CDH12: variants seen among roughly 807,000 people sequenced by gnomAD.
CDH12 encodes cadherin 12.
CDH12 carries 41 observed loss-of-function variants against 74.1 expected under a neutral mutation model. That is an observed-to-expected ratio of 0.55 (90% CI 0.43 to 0.72). The LOEUF is 0.72. Among genes scored for constraint, CDH12 ranks in the 30% least tolerant of loss-of-function variants. CDH12 has a pLI of 0.00. For missense variants in CDH12, 945 were observed against 977.2 expected, an observed-to-expected ratio of 0.97 and a Z score of 0.44; for synonymous variants, 399 against 355.0, an observed-to-expected ratio of 1.12 and a Z score of -1.39.
At chr5:22,507,145 A>G (rs1453861386) in intron 1 of CDH12, among the ~76,000 whole-genome samples, 1 of 152,138 alleles carries the variant, frequency 6.6e-6, no homozygotes. Context: ...TACCGTGTGC[A>G]TACAACCACA....
intron 1 of CDH12, among the ~76,000 whole-genome samples, chr5:22,703,197 G>A (rs960677314): frequency 6.6e-6 from 1 of 152,060 alleles, no homozygotes; most frequent in Non-Finnish European, 1.5e-5. Flanking sequence ...AAGTCAAGGG[G>A]ATCTTTGTGC....
chr5:22,732,302 G>A (rs942053326), intron 1 of CDH12, among the ~76,000 whole-genome samples: 5 of 151,618 alleles, frequency 3.3e-5, no homozygotes, highest in Non-Finnish European at 7.4e-5. Flanking sequence ...ACATGTTTAT[G>A]GTCCACTCTA....
At chr5:22,845,542 G>A (rs1001981581) in intron 1 of CDH12, among the ~76,000 whole-genome samples, 14 of 152,034 alleles carry the variant, frequency 9.2e-5, no homozygotes, top group Non-Finnish European at 1.8e-4. Context: ...TTTCCTCATG[G>A]GGCTTGCATC....
chr5:22,450,553 T>C (rs955235320), intron 2 of CDH12, among the ~76,000 whole-genome samples: 2 of 151,926 alleles, frequency 1.3e-5, no homozygotes, highest in African/African-American at 2.4e-5. Context: ...TGTATCAATG[T>C]TTCCCTCTTT....
chr5:22,468,518 A>T (rs2662506), intron 2 of CDH12, among the ~76,000 whole-genome samples: 65,047 of 151,866 alleles, frequency 0.43, 14,404 homozygotes, highest in Admixed American at 0.61. Flanking sequence ...CAATAGTTAC[A>T]ACTAATAAAT....
intron 2 of CDH12, among the ~76,000 whole-genome samples, chr5:22,493,572 G>A (rs200327102): frequency 5.5e-5 from 1 of 18,284 alleles, no homozygotes; most frequent in Non-Finnish European, 1.2e-4. Context: ...GGTTTTTTTT[G>A]AAAAATTTTT....
At chr5:22,133,610 A>T (rs183200822) in intron 4 of CDH12, among the ~76,000 whole-genome samples, 50 of 152,240 alleles carry the variant, frequency 3.3e-4, no homozygotes, top group African/African-American at 1.1e-3. Flanking sequence ...TAATTCAAAA[A>T]TCTGATTGTC....
chr5:22,052,208 AT>A (rs376942921), intron 5 of CDH12, among the ~76,000 whole-genome samples: 7 of 151,874 alleles, frequency 4.6e-5, no homozygotes, highest in African/African-American at 1.7e-4. Context: ...TTTTTCTTTG[AT>A]TTTTTTTCTC....
At chr5:22,735,538 C>T (rs1328488018) in intron 1 of CDH12, among the ~76,000 whole-genome samples, 1 of 151,832 alleles carries the variant, frequency 6.6e-6, no homozygotes, top group Non-Finnish European at 1.5e-5. Context: ...TATAAATCCA[C>T]CCCGAATGTC....
At chr5:21,927,589 C>CA (rs750361494) in intron 6 of CDH12, among the ~76,000 whole-genome samples, 1 of 150,440 alleles carries the variant, frequency 6.6e-6, no homozygotes, top group African/African-American at 2.4e-5. Context: ...AGACTCTGCT[C>CA]AAAAAAACAA....
chr5:22,085,752 A>T (rs1267128799), intron 4 of CDH12, among the ~76,000 whole-genome samples: 1 of 152,184 alleles, frequency 6.6e-6, no homozygotes, highest in Non-Finnish European at 1.5e-5. Flanking sequence ...TAAAATGTCA[A>T]CAATATGCTT....
intron 10 of CDH12, among the ~76,000 whole-genome samples, chr5:21,796,319 G>A (rs533021314): frequency 3.9e-5 from 6 of 152,044 alleles, no homozygotes; most frequent in South Asian, 2.1e-4. Context: ...ATCATCTAGC[G>A]CAAAGCCTGT....
At chr5:21,842,087 C>T (rs1308934635) in intron 8 of CDH12, 74 bp downstream of exon 8, 36 of 1,089,144 alleles carry the variant, frequency 3.3e-5, no homozygotes, top group Non-Finnish European at 4.8e-5. Flanking sequence ...GATTGTCATT[C>T]CCATAGCATT....
chr5:22,245,654 T>C (rs1752920377), intron 3 of CDH12, among the ~76,000 whole-genome samples: 1 of 151,704 alleles, frequency 6.6e-6, no homozygotes, highest in Non-Finnish European at 1.5e-5. Flanking sequence ...TATATATATA[T>C]GATATACATA....
intron 3 of CDH12, among the ~76,000 whole-genome samples, chr5:22,311,128 A>G (rs773388256): frequency 1.3e-5 from 2 of 152,190 alleles, no homozygotes; most frequent in Non-Finnish European, 2.9e-5. Flanking sequence ...TGTGGATCTA[A>G]AGGGAAGAGG....
chr5:21,998,408 T>C (rs1580089111), intron 5 of CDH12, among the ~76,000 whole-genome samples: 2 of 152,094 alleles, frequency 1.3e-5, no homozygotes, highest in East Asian at 1.9e-4. Context: ...CCACAGATCA[T>C]GTGTAGTTTT....
chr5:22,190,075 ATAAT>A (rs1750184272), intron 4 of CDH12, among the ~76,000 whole-genome samples: 1 of 152,110 alleles, frequency 6.6e-6, no homozygotes. Flanking sequence ...TAAGATTTGA[ATAAT>A]TAGATAACGG....
chr5:21,881,345 T>G (rs566437652), intron 6 of CDH12, among the ~76,000 whole-genome samples: 137 of 152,272 alleles, frequency 9.0e-4, no homozygotes, highest in Middle Eastern at 3.4e-3. Context: ...CTTAAACCCA[T>G]CCTATTTTCT....
At chr5:22,384,533 A>AAG (rs1741913629) in intron 3 of CDH12, among the ~76,000 whole-genome samples, 1 of 149,612 alleles carries the variant, frequency 6.7e-6, no homozygotes, top group South Asian at 2.1e-4. Flanking sequence ...CTCAAAAAAA[A>AAG]AAAAAAAGAA....
Sources: allele counts gnomAD v4.1 joint callset (sites outside exome capture counted in the v4.1 genomes callset), GRCh38; gene constraint gnomAD v4.1.1; transcripts MANE v1.5; gene names NCBI Gene and HGNC (gene_info 2026-07-23, HGNC 2026-07-21).